Variants in ERO1B observed in about 807,000 individuals in gnomAD.
The protein encoded by ERO1B is ERO1-like protein beta.
In ERO1B, 49 loss-of-function variants were observed where a neutral mutation model predicts 75.3. The observed-to-expected ratio is 0.65, with a 90% CI of 0.52 to 0.83. The LOEUF (loss-of-function observed/expected upper bound fraction) is 0.83. Among genes scored for constraint, ERO1B ranks in the 40% least tolerant of loss-of-function variants. The pLI is 0.00. For missense variants in ERO1B, 512 were observed against 560.1 expected, an observed-to-expected ratio of 0.91 and a Z score of 0.87; for synonymous variants, 191 against 192.9, an observed-to-expected ratio of 0.99 and a Z score of 0.08.
chr1:236,268,094 G>A (rs998732486), intron 2 of ERO1B: 1 of 152,134 alleles, frequency 6.6e-6, no homozygotes, highest in Admixed American at 6.5e-5. Context: ...TTTCCTAAAG[G>A]ATTTTGTACA....
rs1663939068 is a variant in ERO1B, at chr1:236,215,191, A to C, written c.*3325T>G. Among the ~76,000 whole-genome samples, 1 of 152,344 alleles carries C rather than the reference A, an allele frequency of 6.6e-6. No individual in the cohort carries two copies. Among genetic ancestry groups the C allele is most frequent in the East Asian group, 1.9e-4 (1 of 5,190 alleles). On this transcript the variant is annotated 3_prime_UTR_variant, in exon 16 of 16. Transcript: ENST00000354619. ...GCTGAATGGAAATAGGCCAACTTAC[A>C]AAATGTCACAAAGGTTCTAGAATCA...
chr1:236,238,540 TA>T (rs67247823), intron 6 of ERO1B, among the ~76,000 whole-genome samples: 75,152 of 114,000 alleles, frequency 0.66, 25,288 homozygotes, highest in Non-Finnish European at 0.79. Context: ...TTTTTTTTTT[TA>T]AAAAAAAAAA....
intron 6 of ERO1B, among the ~76,000 whole-genome samples, chr1:236,239,339 T>C (rs1032920953): frequency 2.6e-5 from 4 of 152,180 alleles, no homozygotes; most frequent in African/African-American, 9.6e-5. Flanking sequence ...TACATACTGC[T>C]TTCACACTAT....
Position 236,249,500 on chromosome 1 carries a change from G to T in ERO1B, c.431+385C>A, listed in dbSNP as rs1726641. The stretch of plus-strand genomic sequence containing the variant: ...AAAAGTTAACAGAAAAAAAATCTAC[G>T]AAATTTAACAGGCTAATAACTTTTA... On this transcript the variant is annotated intron_variant, in intron 5 of 15. Coordinates refer to ENST00000354619, the MANE Select transcript of ERO1B (RefSeq NM_019891.4). Among the ~76,000 whole-genome samples, 1,440 of 151,994 alleles carry T rather than the reference G, an allele frequency of 9.5e-3. 22 individuals are homozygous for T. The highest frequency in any genetic ancestry group is 0.032 in the African/African-American group (1,335 of 41,458).
intron 13 of ERO1B, among the ~76,000 whole-genome samples, chr1:236,222,525 C>T (rs79215902): frequency 6.6e-6 from 1 of 151,792 alleles, no homozygotes; most frequent in Admixed American, 6.6e-5. Context: ...CATATTAATT[C>T]ACTTTCCACT....
chr1:236,236,003 T>C (rs534326465), intron 7 of ERO1B, among the ~76,000 whole-genome samples, 168 bp from the exon 8 acceptor site: 1 of 152,174 alleles, frequency 6.6e-6, no homozygotes, highest in East Asian at 1.9e-4. Flanking sequence ...CTGCTCATTG[T>C]AACCTCTGCC....
intron 5 of ERO1B, among the ~76,000 whole-genome samples, chr1:236,248,010 TTCA>T (rs1403806913): frequency 6.6e-5 from 10 of 152,196 alleles, no homozygotes; most frequent in African/African-American, 2.4e-4. Flanking sequence ...TTCCCTAGCA[TTCA>T]TCATCATTTT....
intron 2 of ERO1B, among the ~76,000 whole-genome samples, chr1:236,265,412 A>C (rs1271738080): frequency 6.6e-6 from 1 of 152,156 alleles, no homozygotes; most frequent in African/African-American, 2.4e-5. Context: ...TGTGCACTCA[A>C]AACTTAGGCA....
chr1:236,230,494 T>C (rs991584696), intron 9 of ERO1B, among the ~76,000 whole-genome samples: 9 of 150,288 alleles, frequency 6.0e-5, no homozygotes, highest in Non-Finnish European at 1.3e-4. Context: ...AGGCCTGTAA[T>C]CCAGCTACTC....
intron 6 of ERO1B, among the ~76,000 whole-genome samples, chr1:236,239,909 A>T (rs577336081): frequency 0.021 from 2,218 of 106,852 alleles, 102 homozygotes; most frequent in South Asian, 0.07. Context: ...ATATATATAT[A>T]TATTTTTTTT....
chr1:236,230,977 T>G (rs1664394911), intron 9 of ERO1B, among the ~76,000 whole-genome samples: 2 of 151,602 alleles, frequency 1.3e-5, no homozygotes, highest in Non-Finnish European at 3.0e-5. Context: ...GGTGTAAATA[T>G]CTGAAAACAT....
chr1:236,266,379 G>A lies in ERO1B; in HGVS notation c.222+3496C>T, dbSNP rs568087536. ...AGCACTTTGGGAGGCCAAGGCGGGT[G>A]GATCACCTGAGATCAGGAGTTGCGG... On this transcript the variant is annotated intron_variant, in intron 2 of 15. Coordinates refer to ENST00000354619, the MANE Select transcript of ERO1B (RefSeq NM_019891.4). 5.3e-5 allele frequency among the ~76,000 whole-genome samples: 8 copies of A among 152,296 alleles called. No individual in the cohort carries two copies. In the South Asian group the frequency reaches 1.7e-3, roughly 32 times the overall value.
intron 11 of ERO1B, 29 bp from the exon 12 acceptor site, chr1:236,226,544 G>A (rs759329682): frequency 3.1e-6 from 5 of 1,598,990 alleles, no homozygotes; most frequent in Non-Finnish European, 4.3e-6. Context: ...ACATTACATT[G>A]TTTTAGTAAA....
chr1:236,268,419 G>A (rs1028145732), intron 2 of ERO1B, among the ~76,000 whole-genome samples: 8 of 151,688 alleles, frequency 5.3e-5, no homozygotes, highest in Non-Finnish European at 8.8e-5. Context: ...CAGTCTGGGC[G>A]ACAGAGCGAG....
At chr1:236,270,056 C>CT in intron 1 of ERO1B, 62 bp from the exon 2 acceptor site, 1 of 1,151,854 alleles carries the variant, frequency 8.7e-7, no homozygotes, top group Non-Finnish European at 1.2e-6. Context: ...CAAATCTACA[C>CT]TATTATATAA....
rs1665558112 is a variant in ERO1B at position 236,270,079 on chromosome 1, T to C, written c.103-85A>G. Reference sequence around the variant, plus strand: ...CACTATTATATAAAAATGTAATTTATTCATTCAAGTTAGCCGGTACTTGCT... The same window carrying C: ...CACTATTATATAAAAATGTAATTTACTCATTCAAGTTAGCCGGTACTTGCT... On this transcript the variant is annotated intron_variant, in intron 1 of 15. Transcript: ENST00000354619. 10 of 991,488 alleles carry C rather than the reference T, an allele frequency of 1.0e-5. No individual in the cohort carries two copies. In the Middle Eastern group the frequency reaches 1.3e-3, roughly 129 times the overall value. The allele number at this position is 991,488 out of a possible 1,614,324, so 61.4% of individuals were successfully genotyped here.
intron 13 of ERO1B, among the ~76,000 whole-genome samples, chr1:236,222,525 C>A (rs79215902): frequency 6.6e-6 from 1 of 151,910 alleles, no homozygotes; most frequent in African/African-American, 2.4e-5. Flanking sequence ...CATATTAATT[C>A]ACTTTCCACT....
chr1:236,242,029 C>A (rs1026062504), intron 6 of ERO1B, among the ~76,000 whole-genome samples: 10 of 149,242 alleles, frequency 6.7e-5, no homozygotes, highest in African/African-American at 2.5e-4. Flanking sequence ...GATTGTGCCA[C>A]TGCACTCCAG....
rs1663967433 is a variant in ERO1B, at chr1:236,216,084, A to G, written c.*2432T>C. 6.6e-6 allele frequency: 1 copy of G among 152,206 alleles called. No homozygotes were observed. The highest frequency in any genetic ancestry group is 1.5e-5 in the Non-Finnish European group (1 of 68,012). The allele number at this position is 152,206 out of a possible 1,614,324, so 9.4% of individuals were successfully genotyped here. On this transcript the variant is annotated 3_prime_UTR_variant, in exon 16 of 16. Transcript: ENST00000354619. ...ATTCAAAGTTTACCAATTTTAATATATAGTTTGTCTAACTTACATAGATGC... is the reference window on the plus strand; with the variant it reads ...ATTCAAAGTTTACCAATTTTAATATGTAGTTTGTCTAACTTACATAGATGC...
Sources: gnomAD v4.1 joint callset for allele counts (sites outside exome capture counted in the v4.1 genomes callset) on GRCh38, gnomAD v4.1.1 for gene constraint, MANE v1.5 for transcripts, NCBI Gene and HGNC (gene_info 2026-07-23, HGNC 2026-07-21) for gene names.